Variants in MGAT4C observed in about 807,000 individuals in gnomAD.
The protein encoded by MGAT4C is MGAT4 family member C.
Under a neutral mutation model 40.1 loss-of-function variants are expected in MGAT4C, and 19 were observed. The observed-to-expected ratio is 0.47, with a 90% confidence interval of 0.33 to 0.70. MGAT4C has a LOEUF of 0.70. MGAT4C is among the 30% of genes least tolerant of loss of function. The pLI is 0.02. For synonymous variants in MGAT4C, 181 were observed against 187.1 expected (o/e 0.97, Z 0.27); for missense variants, 491 against 563.2 (o/e 0.87, Z 1.30).
intron 4 of MGAT4C, among the ~76,000 whole-genome samples, chr12:86,277,347 C>T (rs1310603296): frequency 6.6e-6 from 1 of 152,096 alleles, no homozygotes; most frequent in Non-Finnish European, 1.5e-5. Flanking sequence ...TGGGCTGTCT[C>T]CTCACTTTGC....
At chr12:86,580,774 A>G (rs750508077) in intron 2 of MGAT4C, among the ~76,000 whole-genome samples, 2 of 151,474 alleles carry the variant, frequency 1.3e-5, no homozygotes, top group African/African-American at 4.8e-5. Context: ...TCTTCTCTAT[A>G]TGCTGTAGGA....
At position 86,648,880 on chromosome 12, in the gene MGAT4C, A is replaced by G. The variant is rs150426752; in HGVS notation, c.-229+78329T>C. ...TTCGTATGTAATTGCAAGTAATACT[A>G]ATTTCTTGTGTTTTAAAATTGTTCT... On this transcript the variant is annotated intron_variant, in intron 2 of 7. Transcript: ENST00000548651. 3.7e-4 allele frequency among the ~76,000 whole-genome samples: 56 copies of G among 151,974 alleles called. 1 individual carries two copies. Among genetic ancestry groups the G allele is most frequent in the African/African-American group, 1.3e-3 (55 of 41,530 alleles).
intron 2 of MGAT4C, among the ~76,000 whole-genome samples, chr12:86,525,915 C>T (rs551323448): frequency 2.0e-5 from 3 of 152,324 alleles, no homozygotes; most frequent in South Asian, 2.1e-4. Context: ...CAGTGGGATC[C>T]GTCCTCATTC....
chr12:86,476,662 G>T (rs1592894172), intron 2 of MGAT4C, among the ~76,000 whole-genome samples: 2 of 151,868 alleles, frequency 1.3e-5, no homozygotes, highest in East Asian at 3.9e-4. Context: ...CAATAATAAA[G>T]ACATGGAATC....
At chr12:86,302,584 G>A (rs78631810) in intron 4 of MGAT4C, among the ~76,000 whole-genome samples, 12,784 of 150,004 alleles carry the variant, frequency 0.085, 2,095 homozygotes, top group East Asian at 0.26. Context: ...ATACGCCAAC[G>A]TGCCCCACTA....
chr12:86,762,936 C>T (rs977781), intron 1 of MGAT4C, among the ~76,000 whole-genome samples: 59,291 of 151,920 alleles, frequency 0.39, 11,674 homozygotes, highest in Non-Finnish European at 0.42. Context: ...TCAGATATCA[C>T]GTTATGACAC....
At chr12:86,307,550 A>G (rs961113252) in intron 4 of MGAT4C, among the ~76,000 whole-genome samples, 1 of 150,368 alleles carries the variant, frequency 6.7e-6, no homozygotes, top group Non-Finnish European at 1.5e-5. Flanking sequence ...TGCTCGGGCA[A>G]CTGCTTTTCA....
At chr12:86,146,474 G>A (rs913684801) in intron 1 of MGAT4C, among the ~76,000 whole-genome samples, 13 of 152,098 alleles carry the variant, frequency 8.5e-5, no homozygotes, top group Non-Finnish European at 1.9e-4. Context: ...CCTGGACTGA[G>A]AATTGGAAGT....
chr12:86,417,232 T>C (rs1426633329), intron 3 of MGAT4C, among the ~76,000 whole-genome samples: 1 of 152,136 alleles, frequency 6.6e-6, no homozygotes. Context: ...GAACAATTGT[T>C]TGCACATTCC....
At chr12:86,472,184 T>C (rs1957766760) in intron 2 of MGAT4C, among the ~76,000 whole-genome samples, 1 of 152,192 alleles carries the variant, frequency 6.6e-6, no homozygotes, top group African/African-American at 2.4e-5. Context: ...TTTGCCTCTA[T>C]ACTTTGTCTC....
intron 1 of MGAT4C, among the ~76,000 whole-genome samples, chr12:86,134,617 C>T (rs1008388141): frequency 1.3e-5 from 2 of 151,886 alleles, no homozygotes; most frequent in Non-Finnish European, 2.9e-5. Context: ...AACCCCATGC[C>T]GTTTTGTCAT....
intron 3 of MGAT4C, among the ~76,000 whole-genome samples, chr12:86,368,918 G>A (rs1214599229): frequency 6.6e-6 from 1 of 151,896 alleles, no homozygotes; most frequent in Non-Finnish European, 1.5e-5. Flanking sequence ...CAAGTCTGCT[G>A]TTTCCTTATT....
At position 85,975,130 on chromosome 12, in the gene MGAT4C, G is replaced by C. The variant is rs2136667395; in HGVS notation, c.*4159C>G. On this transcript the variant is annotated 3_prime_UTR_variant, in exon 5 of 5. Coordinates refer to ENST00000611864, the MANE Select transcript of MGAT4C (RefSeq NM_001351288.2). ...GGGGCAATTTTGATATTTTTGATAA[G>C]GTTTCTAGAGTAATAAATTAGAATG... 1.3e-5 allele frequency: 2 copies of C among 150,886 alleles called. 1 individual carries two copies. 9.3% of individuals were successfully genotyped at this position (150,886 alleles called of 1,614,324 possible). A position where few individuals can be genotyped will look rare whatever the true frequency, so the allele number is the denominator to read the frequency against.
rs372527446 is a variant in MGAT4C at position 86,555,484 on chromosome 12, T to C, written c.-228-120219A>G. On this transcript the variant is annotated intron_variant, in intron 2 of 7. Coordinates refer to the MGAT4C transcript ENST00000548651. ...AGGGTCTAAAACCCTTTGTGGACTT[T>C]GGAACACCAAGCTCTGTGCTAAAGG... 3.1e-4 allele frequency among the ~76,000 whole-genome samples: 47 copies of C among 152,220 alleles called. No homozygotes were observed. In the East Asian group the frequency reaches 6.8e-3, roughly 22 times the overall value.
At chr12:86,696,214 G>GA (rs367726480) in intron 2 of MGAT4C, among the ~76,000 whole-genome samples, 3,636 of 143,988 alleles carry the variant, frequency 0.025, 134 homozygotes, top group African/African-American at 0.086. Flanking sequence ...GTGAGACTCA[G>GA]AAAAAAAAAA....
In MGAT4C at chr12:86,037,661, G is replaced by C. The variant is rs1413479240; in HGVS notation, c.-7+12013C>G. ...TGCGCTGTGGTCTGAGAGAGTGTTTGTTATTATTTCCATTCTTTTGCATTT... is the reference window on the plus strand; with the variant it reads ...TGCGCTGTGGTCTGAGAGAGTGTTTCTTATTATTTCCATTCTTTTGCATTT... On this transcript the variant is annotated intron_variant, in intron 2 of 4. Coordinates refer to ENST00000611864, the MANE Select transcript of MGAT4C (RefSeq NM_001351288.2). Among the ~76,000 whole-genome samples, 4 of 146,692 alleles carry C rather than the reference G, an allele frequency of 2.7e-5. 1 individual carries two copies. Among genetic ancestry groups the C allele is most frequent in the Non-Finnish European group, 6.2e-5 (4 of 64,798 alleles).
chr12:86,711,074 A>G (rs1009143513), intron 2 of MGAT4C, among the ~76,000 whole-genome samples: 2 of 152,172 alleles, frequency 1.3e-5, no homozygotes, highest in Non-Finnish European at 2.9e-5. Context: ...AAGACTACAT[A>G]TAGAGTACAG....
chr12:86,324,289 G>A (rs1954469345), intron 4 of MGAT4C, among the ~76,000 whole-genome samples: 2 of 151,804 alleles, frequency 1.3e-5, no homozygotes, highest in Admixed American at 1.3e-4. Context: ...CTCATTAAAA[G>A]CAAATATGTA....
intron 3 of MGAT4C, among the ~76,000 whole-genome samples, chr12:86,385,196 A>G (rs1956027922): frequency 6.6e-6 from 1 of 152,198 alleles, no homozygotes; most frequent in Non-Finnish European, 1.5e-5. Context: ...TAATTTTTTA[A>G]TTGGCAACTG....
Sources: allele counts gnomAD v4.1 joint callset (sites outside exome capture counted in the v4.1 genomes callset), GRCh38; gene constraint gnomAD v4.1.1; transcripts MANE v1.5; gene names NCBI Gene and HGNC (gene_info 2026-07-23, HGNC 2026-07-21).